Variants in LYPLAL1 observed in about 807,000 individuals in gnomAD.
LYPLAL1 encodes the protein lysophospholipase-like protein 1.
In LYPLAL1, 23 loss-of-function variants were observed where a neutral mutation model predicts 19.7. That is an observed-to-expected ratio of 1.17 (90% CI 0.84 to 1.65). The LOEUF is 1.65. LYPLAL1 is among the 40% of genes most tolerant of loss of function. The pLI, the probability that LYPLAL1 is intolerant of heterozygous loss-of-function variation, is 0.00. For missense variants in LYPLAL1, 355 were observed against 279.4 expected (o/e 1.27, Z -1.93); for synonymous variants, 119 against 96.3 (o/e 1.24, Z -1.38).
downstream of LYPLAL1, among the ~76,000 whole-genome samples, chr1:219,217,634 G>A (rs781244293): frequency 6.6e-6 from 1 of 152,034 alleles, no homozygotes; most frequent in Non-Finnish European, 1.5e-5. Context: ...CCTTGAGATG[G>A]TGATTGCCCA....
chr1:219,208,827 G>A (rs577786464), intron 3 of LYPLAL1, among the ~76,000 whole-genome samples: 154 of 152,132 alleles, frequency 1.0e-3, no homozygotes, highest in Non-Finnish European at 1.4e-3. Flanking sequence ...AACTAGAATT[G>A]TGGCAAAAAA....
At chr1:219,184,748 C>T (rs761577788) in intron 2 of LYPLAL1, among the ~76,000 whole-genome samples, 5 of 151,750 alleles carry the variant, frequency 3.3e-5, no homozygotes, top group South Asian at 2.1e-4. Flanking sequence ...AATGGATTTC[C>T]AAGTCTTAAA....
At chr1:219,188,400 C>T (rs1656891816) in intron 2 of LYPLAL1, among the ~76,000 whole-genome samples, 1 of 151,794 alleles carries the variant, frequency 6.6e-6, no homozygotes, top group Non-Finnish European at 1.5e-5. Flanking sequence ...AATGAACAGT[C>T]GGAGCCCACC....
chr1:219,210,577 G>C lies in LYPLAL1; in HGVS notation c.407G>C (p.Arg136Thr). Residue 136 changes from arginine to threonine, a missense_variant, in exon 4 of 5, where the codon AGA (arginine) becomes ACA (threonine). Transcript: ENST00000366928. Reference sequence around the variant, plus strand: ...TGCATGGCAATACATTTAGCATATAGAAATCATCAAGATGTGGCAGGAGTA... The same window carrying C: ...TGCATGGCAATACATTTAGCATATACAAATCATCAAGATGTGGCAGGAGTA... ...GGCMAIHLAY[R>T]NHQDVAGVFA... is the part of the protein sequence containing the mutation. The C allele has an allele frequency of 6.2e-7, 1 of 1,609,926 alleles. No homozygotes were observed. The highest frequency in any genetic ancestry group is 1.1e-5 in the South Asian group (1 of 90,344).
At chr1:219,272,368 A>G in the LYPLAL1 span, 33,605 of 152,344 alleles carry the variant, frequency 0.22, 4,198 homozygotes, top group Non-Finnish European at 0.29. Flanking sequence ...AGCAGGCTGA[A>G]AAGTGAAAGT....
At chr1:219,383,293 C>A in the LYPLAL1 span, among the ~76,000 whole-genome samples, 27 of 152,134 alleles carry the variant, frequency 1.8e-4, no homozygotes, top group Non-Finnish European at 3.8e-4. Flanking sequence ...TGAAAAGCAC[C>A]AAATCCACAG....
chr1:219,263,378 G>A, the LYPLAL1 span, among the ~76,000 whole-genome samples: 1 of 152,140 alleles, frequency 6.6e-6, no homozygotes, highest in South Asian at 2.1e-4. Flanking sequence ...TATCCAGGCA[G>A]CCTGCATGCA....
At chr1:219,406,774 T>C in the LYPLAL1 span, among the ~76,000 whole-genome samples, 1 of 126,232 alleles carries the variant, frequency 7.9e-6, no homozygotes, top group Admixed American at 9.3e-5. Context: ...TAAATCTATA[T>C]CATAAATAGA....
chr1:219,207,078 T>A (rs1016241371), intron 3 of LYPLAL1, among the ~76,000 whole-genome samples: 1 of 152,036 alleles, frequency 6.6e-6, no homozygotes, highest in East Asian at 1.9e-4. Flanking sequence ...ATAGAATTGG[T>A]TCCTTGGTCA....
chr1:219,271,354 G>T, the LYPLAL1 span: 1 of 150,078 alleles, frequency 6.7e-6, no homozygotes, highest in Admixed American at 6.7e-5. Context: ...GAATTAATGT[G>T]TGCTCACTGA....
the LYPLAL1 span, among the ~76,000 whole-genome samples, chr1:219,385,698 G>C: frequency 8.5e-4 from 129 of 152,240 alleles, 4 homozygotes; most frequent in East Asian, 0.024. Context: ...GGGAAAGGAT[G>C]AAATTATTTG....
chr1:219,388,550 T>A, the LYPLAL1 span, among the ~76,000 whole-genome samples: 6 of 152,130 alleles, frequency 3.9e-5, no homozygotes, highest in Non-Finnish European at 5.9e-5. Context: ...GTGGGACACC[T>A]CTTTCAATCA....
the LYPLAL1 span, among the ~76,000 whole-genome samples, chr1:219,406,750 A>T: frequency 6.6e-6 from 1 of 151,882 alleles, no homozygotes; most frequent in Admixed American, 6.6e-5. Flanking sequence ...AATGTCAAGA[A>T]CATAGCAGTT....
chr1:219,369,600 C>T, the LYPLAL1 span, among the ~76,000 whole-genome samples: 10,431 of 152,218 alleles, frequency 0.069, 501 homozygotes, highest in South Asian at 0.14. Flanking sequence ...AAGCCTTGTA[C>T]GTGAATGATA....
At chr1:219,299,616 C>G in the LYPLAL1 span, among the ~76,000 whole-genome samples, 1 of 152,074 alleles carries the variant, frequency 6.6e-6, no homozygotes, top group African/African-American at 2.4e-5. Context: ...AATAGTGGAG[C>G]GGCAGCAACT....
At chr1:219,283,527 T>A in the LYPLAL1 span, among the ~76,000 whole-genome samples, 4 of 152,314 alleles carry the variant, frequency 2.6e-5, no homozygotes, top group East Asian at 7.7e-4. Flanking sequence ...ATAAGCTGTT[T>A]CGTGCTAGTT....
chr1:219,365,333 A>T, the LYPLAL1 span, among the ~76,000 whole-genome samples: 3 of 152,150 alleles, frequency 2.0e-5, no homozygotes. Flanking sequence ...GGATTAATTT[A>T]TAATCTTCAT....
the LYPLAL1 span, among the ~76,000 whole-genome samples, chr1:219,229,328 A>C: frequency 8.3e-6 from 1 of 119,992 alleles, no homozygotes; most frequent in East Asian, 2.1e-4. Context: ...AGAGAGAGAG[A>C]GAGAGAGAGA....
At chr1:219,280,001 T>C in the LYPLAL1 span, among the ~76,000 whole-genome samples, 1 of 152,198 alleles carries the variant, frequency 6.6e-6, no homozygotes, top group African/African-American at 2.4e-5. Context: ...AAAATCTGAT[T>C]ACATATATAA....
Sources: allele counts gnomAD v4.1 joint callset (sites outside exome capture counted in the v4.1 genomes callset), GRCh38; gene constraint gnomAD v4.1.1; transcripts MANE v1.5; gene names NCBI Gene and HGNC (gene_info 2026-07-23, HGNC 2026-07-21).